SNX29: variants seen among roughly 807,000 people sequenced by gnomAD.
SNX29 encodes the protein sorting nexin-29.
SNX29 carries 78 observed loss-of-function variants against 102.1 expected under a neutral mutation model. That is an observed-to-expected ratio of 0.76 (90% CI 0.64 to 0.92). The LOEUF (loss-of-function observed/expected upper bound fraction) is 0.92. Ranked by LOEUF, SNX29 falls within the 40% of genes least tolerant of loss-of-function variation. SNX29 has a pLI of 0.00. For missense variants in SNX29, 1,280 were observed against 1,061.7 expected, an observed-to-expected ratio of 1.21 and a Z score of -2.86; for synonymous variants, 580 against 414.5, an observed-to-expected ratio of 1.40 and a Z score of -4.85.
chr16:12,411,533 A>G (rs1046796759), intron 18 of SNX29, among the ~76,000 whole-genome samples: 1 of 152,208 alleles, frequency 6.6e-6, no homozygotes, highest in African/African-American at 2.4e-5. Flanking sequence ...TTTCTGCTTT[A>G]TCTTTCCAAA....
chr16:12,041,779 G>T (rs1460414861), intron 4 of SNX29, among the ~76,000 whole-genome samples: 2 of 152,154 alleles, frequency 1.3e-5, no homozygotes, highest in Non-Finnish European at 2.9e-5. Flanking sequence ...CCAATTTCCA[G>T]ATCCTAACAC....
chr16:12,476,415 T>TATATATATATATATATATAC (rs2087633598), intron 18 of SNX29, among the ~76,000 whole-genome samples: 11 of 18,000 alleles, frequency 6.1e-4, no homozygotes, highest in Non-Finnish European at 1.0e-3. Flanking sequence ...TATATATACA[T>TATATATATATATATATATAC]ATATATATAT....
intron 20 of SNX29, among the ~76,000 whole-genome samples, chr16:12,541,152 A>G (rs1233547319): frequency 6.6e-6 from 1 of 152,176 alleles, no homozygotes; most frequent in Non-Finnish European, 1.5e-5. Flanking sequence ...TTACTACATC[A>G]TACCCAGACC....
chr16:12,400,457 A>C (rs1263985885), intron 17 of SNX29, among the ~76,000 whole-genome samples: 1 of 152,192 alleles, frequency 6.6e-6, no homozygotes, highest in Admixed American at 6.5e-5. Flanking sequence ...CCGGGTTTCA[A>C]ACCCAGGCAG....
At chr16:12,418,038 G>A (rs573953669) in intron 18 of SNX29, among the ~76,000 whole-genome samples, 4 of 152,266 alleles carry the variant, frequency 2.6e-5, no homozygotes, top group African/African-American at 9.6e-5. Context: ...GGAACCACAT[G>A]CAAATGCATG....
At chr16:12,037,081 T>C (rs954873953) in intron 4 of SNX29, among the ~76,000 whole-genome samples, 6 of 152,062 alleles carry the variant, frequency 3.9e-5, no homozygotes, top group Admixed American at 3.3e-4. Flanking sequence ...AGCTCCAGGT[T>C]TCCAGGATGA....
chr16:12,535,041 C>G (rs763247607), intron 20 of SNX29, among the ~76,000 whole-genome samples: 12 of 152,124 alleles, frequency 7.9e-5, no homozygotes, highest in East Asian at 1.9e-4. Context: ...TCTTATAAAA[C>G]CAGCTACAAA....
chr16:12,370,064 T>C (rs2151376905), intron 16 of SNX29, among the ~76,000 whole-genome samples: 1 of 150,372 alleles, frequency 6.7e-6, no homozygotes, highest in South Asian at 2.1e-4. Context: ...CTACTAAAAA[T>C]ACGAAAAAGT....
chr16:12,572,151 G>C lies in SNX29; in HGVS notation c.*3522G>C, dbSNP rs972280941. ...TGCTTCATACTTTGGAGCTTATTAAGATCAATTTTGATAACCATGTAATTT... is the reference window on the plus strand; with the variant it reads ...TGCTTCATACTTTGGAGCTTATTAACATCAATTTTGATAACCATGTAATTT... On this transcript the variant is annotated 3_prime_UTR_variant, in exon 21 of 21. Coordinates refer to ENST00000566228, the MANE Select transcript of SNX29 (RefSeq NM_032167.5). 7 of 983,444 alleles carry C rather than the reference G, an allele frequency of 7.1e-6. No homozygotes were observed. The African/African-American group carries it at 1.0e-4, about 14-fold the overall frequency. The allele number at this position is 983,444 out of a possible 1,614,324, so 60.9% of individuals were successfully genotyped here. A position where few individuals can be genotyped will look rare whatever the true frequency, so the allele number is the denominator to read the frequency against.
At chr16:12,259,277 G>A (rs1202222040) in intron 14 of SNX29, among the ~76,000 whole-genome samples, 9 of 152,294 alleles carry the variant, frequency 5.9e-5, no homozygotes, top group African/African-American at 1.9e-4. Flanking sequence ...CATGGGAATC[G>A]TTTAAAATAC....
chr16:12,245,258 C>T (rs534708183), intron 14 of SNX29, among the ~76,000 whole-genome samples: 1 of 152,116 alleles, frequency 6.6e-6, no homozygotes. Context: ...TTTAACATCC[C>T]CCAGTCTCAG....
intron 13 of SNX29, among the ~76,000 whole-genome samples, chr16:12,178,194 C>T (rs2076303061): frequency 6.6e-6 from 1 of 152,138 alleles, no homozygotes. Context: ...GGGACCCTGG[C>T]AGGATGAGCA....
At chr16:12,061,100 C>T (rs1434767109) in intron 8 of SNX29, among the ~76,000 whole-genome samples, 2 of 152,198 alleles carry the variant, frequency 1.3e-5, no homozygotes, top group Non-Finnish European at 2.9e-5. Flanking sequence ...CTTGGGCTTC[C>T]TCCAGCTCCC....
At chr16:12,174,151 A>G (rs962358705) in intron 13 of SNX29, among the ~76,000 whole-genome samples, 1 of 152,182 alleles carries the variant, frequency 6.6e-6, no homozygotes, top group African/African-American at 2.4e-5. Flanking sequence ...TGGGAACTGC[A>G]TGTTCCTGTT....
intron 19 of SNX29, among the ~76,000 whole-genome samples, chr16:12,480,750 G>C (rs1237089935): frequency 6.6e-6 from 1 of 152,214 alleles, no homozygotes; most frequent in Non-Finnish European, 1.5e-5. Flanking sequence ...CTGGATTTGA[G>C]TTTAGTGAGA....
intron 3 of SNX29, among the ~76,000 whole-genome samples, chr16:12,013,500 A>AAAAAAAAAAAATATATATAT: frequency 1.9e-4 from 6 of 31,632 alleles, no homozygotes; most frequent in Non-Finnish European, 3.1e-4. Flanking sequence ...AAAAAAAAAA[A>AAAAAAAAAAAATATATATAT]ATATATATAT....
At chr16:12,463,888 A>G (rs184369256) in intron 18 of SNX29, among the ~76,000 whole-genome samples, 1 of 147,090 alleles carries the variant, frequency 6.8e-6, no homozygotes, top group Admixed American at 6.8e-5. Flanking sequence ...TTCTCATCAC[A>G]TTTTGAGTAA....
In SNX29 at chr16:12,048,508, A is replaced by G. The variant is rs3743595; in HGVS notation, c.636A>G (p.Gln212=). The change falls in exon 7 of 21, where the codon CAA becomes CAG. Residue 212 remains glutamine, a synonymous_variant. Coordinates refer to ENST00000566228, the MANE Select transcript of SNX29 (RefSeq NM_032167.5). ...CCTCCTTGCTGAAGGAGTCCACGCA[A>G]GGAGTGAGCAGCCTGTTCAGGGAGA... is the stretch of plus-strand genomic sequence containing the variant. ...NVTSLLKEST[Q]GVSSLFREIT... 314 of 1,613,920 alleles carry G rather than the reference A, an allele frequency of 1.9e-4. 1 individual carries two copies. The East Asian group carries it at 6.9e-3, about 35-fold the overall frequency.
intron 14 of SNX29, among the ~76,000 whole-genome samples, chr16:12,276,957 T>C (rs1228105460): frequency 6.6e-6 from 1 of 152,226 alleles, no homozygotes; most frequent in Non-Finnish European, 1.5e-5. Context: ...GCTGTCATCC[T>C]AAGTATGGTT....
Sources: gnomAD v4.1 joint callset for allele counts (sites outside exome capture counted in the v4.1 genomes callset) on GRCh38, gnomAD v4.1.1 for gene constraint, MANE v1.5 for transcripts, NCBI Gene and HGNC (gene_info 2026-07-23, HGNC 2026-07-21) for gene names.